ITGA6: variants seen among roughly 807,000 people sequenced by gnomAD.
ITGA6 encodes the protein integrin subunit alpha 6, also known as integrin alpha-6.
A neutral mutation model predicts 133.6 loss-of-function variants in ITGA6; 63 were observed. The ratio of observed to expected loss-of-function variants is 0.47; its 90% CI spans 0.38 to 0.58. ITGA6 has a LOEUF of 0.58. ITGA6 is among the 20% of genes least tolerant of loss of function. The probability of loss-of-function intolerance (pLI) is 0.00; values close to 1 mark genes in which losing one functional copy is unlikely to be tolerated. For missense variants in ITGA6, 1,068 were observed against 1,309.4 expected, an observed-to-expected ratio of 0.82 and a Z score of 2.85; for synonymous variants, 434 against 482.0, an observed-to-expected ratio of 0.90 and a Z score of 1.30.
intron 1 of ITGA6, among the ~76,000 whole-genome samples, chr2:172,460,190 T>C (rs923726021): frequency 6.6e-6 from 1 of 152,230 alleles, no homozygotes; most frequent in Non-Finnish European, 1.5e-5. Flanking sequence ...GTAATACTTA[T>C]TTGGCTATGT....
At position 172,441,558 on chromosome 2, in the gene ITGA6, TTAAAA is replaced by T. The variant is rs1216447376; in HGVS notation, c.182+13589_182+13593del. On this transcript the variant is annotated intron_variant, in intron 1 of 25. Coordinates refer to ENST00000684293, the MANE Select transcript of ITGA6 (RefSeq NM_000210.4). The stretch of plus-strand genomic sequence containing the variant: ...GTAACAGAGTGGAGACGCTGTCTCT[TTAAAA>T]AAAAAAAAAAAAAAAAAAAAAAAAA... Among the ~76,000 whole-genome samples the T allele has an allele frequency of 4.3e-4, 28 of 64,854 alleles. 2 individuals carry two copies. In the East Asian group the frequency reaches 8.4e-3, roughly 19 times the overall value. 42.5% of individuals were successfully genotyped at this position (64,854 alleles called of 152,430 possible).
chr2:172,436,599 C>G (rs1044405644), intron 1 of ITGA6, among the ~76,000 whole-genome samples: 2 of 152,162 alleles, frequency 1.3e-5, no homozygotes, highest in Non-Finnish European at 2.9e-5. Context: ...TTATTTCTCT[C>G]TGTGTGTGTA....
At chr2:172,472,973 C>T in intron 5 of ITGA6, 1 of 807,548 alleles carries the variant, frequency 1.2e-6, no homozygotes, top group Non-Finnish European at 2.2e-6. Flanking sequence ...GAGCATAAAT[C>T]TTTTTATGCC....
chr2:172,505,907 T>C lies in ITGA6; in HGVS notation c.*1839T>C, dbSNP rs929840685. On this transcript the variant is annotated 3_prime_UTR_variant, in exon 26 of 26. Transcript: ENST00000684293. ...AACTTGTGTCCCTAATGTGTTTAGA[T>C]TGCTAGATTGCTAAGGAGCTGATAC... 1 of 152,594 alleles carries C rather than the reference T, an allele frequency of 6.6e-6. No individual in the cohort carries two copies. The highest frequency in any genetic ancestry group is 1.5e-5 in the Non-Finnish European group (1 of 68,018). The allele number at this position is 152,594 out of a possible 1,614,324, so 9.5% of individuals were successfully genotyped here. A position where few individuals can be genotyped will look rare whatever the true frequency, so the allele number is the denominator to read the frequency against.
rs1685730501 is a variant in ITGA6 at position 172,467,491 on chromosome 2, G to A, written c.318G>A (p.Thr106=). ...TGCTCCTTTCTACAGCTGACCCCAC[G>A]TCAGAAAGCAAGGAAGATCAGTGGA... ...RIEFDNDADP[T]SESKEDQWMG... is the part of the protein sequence containing the mutation. Residue 106 remains threonine, a synonymous_variant, in exon 3 of 26, where the codon ACG becomes ACA. Coordinates refer to ENST00000684293, the MANE Select transcript of ITGA6 (RefSeq NM_000210.4). 9.3e-6 allele frequency: 15 copies of A among 1,613,258 alleles called. No individual in the cohort carries two copies. The highest frequency in any genetic ancestry group is 1.3e-5 in the African/African-American group (1 of 74,896).
chr2:172,476,381 C>T lies in ITGA6; in HGVS notation c.1270-14C>T. 1 of 1,330,270 alleles carries T rather than the reference C, an allele frequency of 7.5e-7. No individual in the cohort carries two copies. The highest frequency in any genetic ancestry group is 1.1e-6 in the Non-Finnish European group (1 of 921,338). The allele number at this position is 1,330,270 out of a possible 1,614,324, so 82.4% of individuals were successfully genotyped here. A position where few individuals can be genotyped will look rare whatever the true frequency, so the allele number is the denominator to read the frequency against. The stretch of plus-strand genomic sequence containing the variant: ...GATAACCTAATGTCCATTCGGATGC[C>T]CTGTGTATTTCAGGTTCTCAAGGGT... On this transcript the variant is annotated splice_polypyrimidine_tract_variant and intron_variant, in intron 8 of 25. Coordinates refer to ENST00000684293, the MANE Select transcript of ITGA6 (RefSeq NM_000210.4).
rs1685730610 is a variant in ITGA6 at position 172,467,493 on chromosome 2, C to T, written c.320C>T (p.Ser107Leu). ...CTCCTTTCTACAGCTGACCCCACGTCAGAAAGCAAGGAAGATCAGTGGATG... is the reference window on the plus strand; with the variant it reads ...CTCCTTTCTACAGCTGACCCCACGTTAGAAAGCAAGGAAGATCAGTGGATG... Reference protein sequence around the residue: ...IEFDNDADPTSESKEDQWMGV... With the variant: ...IEFDNDADPTLESKEDQWMGV... Residue 107 changes from serine (S) to leucine (L), a missense_variant, in exon 3 of 26, where the codon TCA (serine) becomes TTA (leucine). Around this residue, in one of 3 missense-constraint regions of ITGA6, gnomAD observed 317 missense variants for 456.9 expected, o/e 0.69. Transcript: ENST00000684293. The T allele has an allele frequency of 6.2e-7, 1 of 1,613,418 alleles. No homozygotes were observed. Among genetic ancestry groups the T allele is most frequent in the Admixed American group, 1.7e-5 (1 of 59,994 alleles).
intron 11 of ITGA6, 106 bp from the exon 12 acceptor site, chr2:172,484,676 G>A: frequency 1.1e-6 from 1 of 911,308 alleles, no homozygotes; most frequent in Non-Finnish European, 1.8e-6. Context: ...GAGAAACAAT[G>A]GCAATGTTTT....
chr2:172,435,027 A>AGTGTGTGTGT (rs72087668), intron 1 of ITGA6, among the ~76,000 whole-genome samples: 1,729 of 144,128 alleles, frequency 0.012, 34 homozygotes, highest in African/African-American at 0.037. Context: ...GGTGGTTTTA[A>AGTGTGTGTGT]GTGTGTGTGT....
At chr2:172,458,015 GGA>G (rs1187887354) in intron 1 of ITGA6, among the ~76,000 whole-genome samples, 4 of 152,024 alleles carry the variant, frequency 2.6e-5, no homozygotes, top group Non-Finnish European at 5.9e-5. Flanking sequence ...GCAGGGACTA[GGA>G]GAGAGGAGTG....
intron 1 of ITGA6, among the ~76,000 whole-genome samples, chr2:172,430,045 G>A (rs573246332): frequency 1.3e-5 from 2 of 152,296 alleles, no homozygotes; most frequent in South Asian, 4.1e-4. Context: ...AACTCAGTGG[G>A]GGTCTTTCAG....
Position 172,469,260 on chromosome 2 carries a change from T to C in ITGA6, c.523T>C (p.Cys175Arg). 6.2e-7 allele frequency: 1 copy of C among 1,614,154 alleles called. No individual in the cohort carries two copies. Among genetic ancestry groups the C allele is most frequent in the Non-Finnish European group, 8.5e-7 (1 of 1,180,008 alleles). The change falls in exon 4 of 26, where the codon TGT becomes CGT. Residue 175 changes from cysteine (C) to arginine (R), a missense_variant. By Grantham distance (180) the Cys-to-Arg change is radical. Around this residue, in one of 3 missense-constraint regions of ITGA6, gnomAD observed 317 missense variants for 456.9 expected, o/e 0.69. Transcript: ENST00000684293. ...TATGGATGGGGGAGATTGGAGCTTT[T>C]GTGATGGGCGATTGAGAGGCCATGA... ...DDMDGGDWSF[C>R]DGRLRGHEKF...
At chr2:172,462,510 C>T (rs1156899783) in intron 1 of ITGA6, among the ~76,000 whole-genome samples, 1 of 152,194 alleles carries the variant, frequency 6.6e-6, no homozygotes, top group Non-Finnish European at 1.5e-5. Flanking sequence ...CTGTCATCTG[C>T]AGTAGCCGCC....
At position 172,487,818 on chromosome 2, in the gene ITGA6, C is replaced by T. The variant is rs1574401474; in HGVS notation, c.2324+11C>T. ...TCTGAAGTTAGAAACGTAAGAGTTA[C>T]ATCAACCTCTCCATTCAGAATTATT... is the stretch of plus-strand genomic sequence containing the variant. On this transcript the variant is annotated intron_variant, in intron 17 of 25. Coordinates refer to ENST00000684293, the MANE Select transcript of ITGA6 (RefSeq NM_000210.4). 7.0e-6 allele frequency: 11 copies of T among 1,575,782 alleles called. No individual in the cohort carries two copies. The East Asian group carries it at 9.0e-5, about 13-fold the overall frequency.
In ITGA6 at chr2:172,475,243, G is replaced by A. The variant is rs1361339361; in HGVS notation, c.1180+121G>A. On this transcript the variant is annotated intron_variant, in intron 7 of 25. Transcript: ENST00000684293. Reference sequence around the variant, plus strand: ...AGCACTTTGGGAGGCTGAGGTGGGCGGATCACCTGAGGTCGGGAGTTCGAG... The same window carrying A: ...AGCACTTTGGGAGGCTGAGGTGGGCAGATCACCTGAGGTCGGGAGTTCGAG... 6.3e-5 allele frequency: 47 copies of A among 742,098 alleles called. No individual in the cohort carries two copies. In the East Asian group the frequency reaches 1.2e-3, roughly 19 times the overall value. 46.0% of individuals were successfully genotyped at this position (742,098 alleles called of 1,614,324 possible).
At chr2:172,469,988 T>G (rs16860478) in intron 4 of ITGA6, among the ~76,000 whole-genome samples, 7,731 of 152,210 alleles carry the variant, frequency 0.051, 360 homozygotes, top group East Asian at 0.26. Flanking sequence ...ATGGCCCACA[T>G]TTTTTGACTG....
rs2149067833 is a variant in ITGA6, at chr2:172,485,125, A to G, written c.1715A>G (p.Asn572Ser). 6.2e-7 allele frequency: 1 copy of G among 1,614,062 alleles called. No homozygotes were observed. The highest frequency in any genetic ancestry group is 1.1e-5 in the South Asian group (1 of 91,082). Residue 572 changes from asparagine (N) to serine (S), a missense_variant, in exon 13 of 26, where the codon AAT (asparagine) becomes AGT (serine). Asn to Ser is a conservative substitution (Grantham distance 46, BLOSUM62 1). Around this residue, in one of 3 missense-constraint regions of ITGA6, gnomAD observed 609 missense variants for 707.2 expected, o/e 0.86. Transcript: ENST00000684293. The part of the protein sequence containing the change: ...CMEETLWLQD[N>S]IRDKLRPIPI... ...GACTGCATGCTTTTCATGCAGGATA[A>G]TATCAGAGATAAACTGCGTCCCATT... is the stretch of plus-strand genomic sequence containing the variant.
intron 17 of ITGA6, 44 bp downstream of exon 17, chr2:172,487,851 A>T: frequency 6.6e-7 from 1 of 1,510,220 alleles, no homozygotes; most frequent in South Asian, 1.1e-5. Context: ...ATTTCATGAA[A>T]ATATGGGCAG....
intron 11 of ITGA6, among the ~76,000 whole-genome samples, chr2:172,480,466 C>T (rs763473194): frequency 2.6e-5 from 4 of 151,884 alleles, no homozygotes; most frequent in Non-Finnish European, 5.9e-5. Context: ...GAGCACAGCA[C>T]AGAGTCACTG....
Sources: gnomAD v4.1 joint callset for allele counts (sites outside exome capture counted in the v4.1 genomes callset) on GRCh38, gnomAD v4.1.1 for gene constraint, gnomAD v4.1.1 regional missense constraint, MANE v1.5 for transcripts, NCBI Gene and HGNC (gene_info 2026-07-23, HGNC 2026-07-21) for gene names.